The following SLC24A2 variants were observed in gnomAD, a reference collection of about 807,000 sequenced individuals.
SLC24A2 encodes the protein solute carrier family 24 member 2, also known as sodium/potassium/calcium exchanger 2.
Under a neutral mutation model 62.0 loss-of-function variants are expected in SLC24A2, and 36 were observed. That is an observed-to-expected ratio of 0.58 (90% CI 0.44 to 0.77). The LOEUF (loss-of-function observed/expected upper bound fraction) is 0.77. Among genes scored for constraint, SLC24A2 ranks in the 30% least tolerant of loss-of-function variants. The pLI, the probability that SLC24A2 is intolerant of heterozygous loss-of-function variation, is 0.00. For missense variants in SLC24A2, 846 were observed against 817.9 expected (o/e 1.03, Z -0.42); for synonymous variants, 358 against 294.0 (o/e 1.22, Z -2.23).
At chr9:20,222,352 C>T in the SLC24A2 span, among the ~76,000 whole-genome samples, 1 of 151,594 alleles carries the variant, frequency 6.6e-6, no homozygotes, top group African/African-American at 2.4e-5. Flanking sequence ...TCAAATACAG[C>T]AGAAAACAAT....
intron 8 of SLC24A2, among the ~76,000 whole-genome samples, chr9:19,530,681 A>G (rs1833664469): frequency 6.6e-6 from 1 of 152,228 alleles, no homozygotes; most frequent in Non-Finnish European, 1.5e-5. Context: ...AAACCTCTCT[A>G]AATCAATATT....
chr9:19,619,518 T>C, intron 4 of SLC24A2, 66 bp downstream of exon 4: 1 of 1,234,330 alleles, frequency 8.1e-7, no homozygotes, highest in Non-Finnish European at 1.2e-6. Flanking sequence ...ACACGTTTTA[T>C]GCAGAGAAGC....
chr9:19,544,421 A>G (rs1432118659), intron 8 of SLC24A2, among the ~76,000 whole-genome samples: 1 of 152,062 alleles, frequency 6.6e-6, no homozygotes, highest in East Asian at 1.9e-4. Context: ...GGAATTTATC[A>G]CATTTACATT....
chr9:19,550,529 T>A (rs761882544), intron 7 of SLC24A2, among the ~76,000 whole-genome samples: 23 of 152,174 alleles, frequency 1.5e-4, no homozygotes, highest in African/African-American at 5.6e-4. Context: ...ATCAACTGAT[T>A]ATTCAACTGG....
the SLC24A2 span, among the ~76,000 whole-genome samples, chr9:20,019,103 T>A: frequency 0.32 from 26,615 of 84,370 alleles, 5,081 homozygotes; most frequent in Non-Finnish European, 0.38. Context: ...GAAAGAAAGA[T>A]AGAAAGAAAG....
the SLC24A2 span, among the ~76,000 whole-genome samples, chr9:20,004,117 A>C: frequency 6.6e-6 from 1 of 152,212 alleles, no homozygotes; most frequent in Non-Finnish European, 1.5e-5. Flanking sequence ...TGTATAAAAC[A>C]GGTATAGACA....
chr9:20,284,487 A>G, the SLC24A2 span, among the ~76,000 whole-genome samples: 3 of 151,754 alleles, frequency 2.0e-5, no homozygotes, highest in African/African-American at 7.3e-5. Flanking sequence ...CTGAGATGTC[A>G]TAGTTCAACC....
At chr9:19,560,977 G>C (rs538645367) in intron 7 of SLC24A2, among the ~76,000 whole-genome samples, 1 of 151,732 alleles carries the variant, frequency 6.6e-6, no homozygotes, top group Non-Finnish European at 1.5e-5. Context: ...CCAGGTGGGA[G>C]TGCAGTGGCA....
intron 5 of SLC24A2, among the ~76,000 whole-genome samples, chr9:19,580,090 A>C (rs957859410): frequency 2.0e-5 from 3 of 152,162 alleles, no homozygotes; most frequent in African/African-American, 2.4e-5. Flanking sequence ...AGTAAGAGGG[A>C]TTAGCGTTAT....
the SLC24A2 span, among the ~76,000 whole-genome samples, chr9:20,196,429 C>T: frequency 6.6e-6 from 1 of 152,120 alleles, no homozygotes; most frequent in Non-Finnish European, 1.5e-5. Flanking sequence ...ATTTTGCTGG[C>T]CCAACATATG....
In SLC24A2 at chr9:19,612,401, T is replaced by G. The variant is rs112244701; in HGVS notation, c.1078+7183A>C. Among the ~76,000 whole-genome samples the G allele has an allele frequency of 4.8e-3, 729 of 152,272 alleles. 10 individuals carry two copies. Among genetic ancestry groups the G allele is most frequent in the African/African-American group, 0.015 (643 of 41,546 alleles). ...TGCTATGTTGCCCAGGCTGCTCTTG[T>G]ACTCCTAAGCTCAAGTAATCGTTCT... On this transcript the variant is annotated intron_variant, in intron 4 of 10. Coordinates refer to ENST00000341998, the MANE Select transcript of SLC24A2 (RefSeq NM_020344.4).
the SLC24A2 span, among the ~76,000 whole-genome samples, chr9:19,896,615 G>C: frequency 2.0e-5 from 3 of 152,166 alleles, no homozygotes; most frequent in African/African-American, 7.2e-5. Context: ...CATTGGAGCA[G>C]TTAGGTAATT....
intron 7 of SLC24A2, among the ~76,000 whole-genome samples, chr9:19,565,774 C>T (rs148817425): frequency 0.01 from 1,574 of 152,120 alleles, 27 homozygotes; most frequent in African/African-American, 0.035. Context: ...GAAATATAGA[C>T]CAATGGAACA....
At chr9:20,281,296 G>A in the SLC24A2 span, among the ~76,000 whole-genome samples, 1 of 152,090 alleles carries the variant, frequency 6.6e-6, no homozygotes, top group Non-Finnish European at 1.5e-5. Context: ...ACTTTTTAAG[G>A]AAACTATAAA....
At chr9:19,794,908 G>A in the SLC24A2 span, among the ~76,000 whole-genome samples, 1 of 152,084 alleles carries the variant, frequency 6.6e-6, no homozygotes, top group Admixed American at 6.6e-5. Flanking sequence ...TGCTCCTGCT[G>A]CCTTCTTTCC....
At chr9:20,058,745 A>G in the SLC24A2 span, among the ~76,000 whole-genome samples, 32,704 of 152,154 alleles carry the variant, frequency 0.21, 4,097 homozygotes, top group African/African-American at 0.36. Flanking sequence ...TCTTCTGGGC[A>G]ACAGGGTGAA....
chr9:19,535,782 G>A (rs139023640), intron 8 of SLC24A2, among the ~76,000 whole-genome samples: 200 of 152,252 alleles, frequency 1.3e-3, no homozygotes, highest in African/African-American at 4.7e-3. Flanking sequence ...GTAGTGTGAT[G>A]CCTCCAGCTT....
chr9:19,880,501 G>T, the SLC24A2 span, among the ~76,000 whole-genome samples: 1 of 152,200 alleles, frequency 6.6e-6, no homozygotes, highest in Non-Finnish European at 1.5e-5. Context: ...TTAGCACATA[G>T]TACAGTCTCA....
chr9:20,272,757 C>A, the SLC24A2 span, among the ~76,000 whole-genome samples: 1 of 152,134 alleles, frequency 6.6e-6, no homozygotes, highest in South Asian at 2.1e-4. Flanking sequence ...TGGTTGCCAG[C>A]TCTACAAATC....
Sources: gnomAD v4.1 joint callset for allele counts (sites outside exome capture counted in the v4.1 genomes callset) on GRCh38, gnomAD v4.1.1 for gene constraint, MANE v1.5 for transcripts, NCBI Gene and HGNC (gene_info 2026-07-23, HGNC 2026-07-21) for gene names.